Variants in COL23A1 observed in about 807,000 individuals in gnomAD.
COL23A1 encodes the protein collagen alpha-1(XXIII) chain.
COL23A1 carries 97 observed loss-of-function variants against 99.3 expected under a neutral mutation model. The ratio of observed to expected loss-of-function variants is 0.98; its 90% confidence interval spans 0.83 to 1.16. The LOEUF (loss-of-function observed/expected upper bound fraction) is 1.16, where lower values mean the gene tolerates loss of function less well. COL23A1 is among the 50% of genes most tolerant of loss of function. The pLI, the probability that COL23A1 is intolerant of heterozygous loss-of-function variation, is 0.00. For synonymous variants in COL23A1, 320 were observed against 308.2 expected (o/e 1.04, Z -0.40); for missense variants, 762 against 757.4 (o/e 1.01, Z -0.07).
intron 25 of COL23A1, among the ~76,000 whole-genome samples, chr5:178,245,608 A>G (rs1764649450): frequency 6.7e-6 from 1 of 150,258 alleles, no homozygotes; most frequent in Non-Finnish European, 1.5e-5. Flanking sequence ...TCACCCATCC[A>G]TCCACCCATC....
intron 2 of COL23A1, chr5:178,523,446 A>AGAAAAAG (rs1562052313): frequency 6.9e-6 from 1 of 144,836 alleles, no homozygotes; most frequent in African/African-American, 2.6e-5. Context: ...AAAAAAAAAA[A>AGAAAAAG]AAAGAAAAAG....
intron 2 of COL23A1, among the ~76,000 whole-genome samples, chr5:178,430,654 T>A (rs2127817549): frequency 6.6e-6 from 1 of 152,180 alleles, no homozygotes; most frequent in East Asian, 1.9e-4. Context: ...GAAAGGAAAC[T>A]AACAAAGTTG....
At chr5:178,568,782 T>G (rs562242103) in intron 1 of COL23A1, among the ~76,000 whole-genome samples, 1 of 152,374 alleles carries the variant, frequency 6.6e-6, no homozygotes, top group South Asian at 2.1e-4. Flanking sequence ...TTTTTATGAC[T>G]GAATAATATT....
intron 2 of COL23A1, among the ~76,000 whole-genome samples, chr5:178,479,938 C>T (rs1293936338): frequency 1.3e-5 from 2 of 152,254 alleles, no homozygotes; most frequent in East Asian, 3.9e-4. Context: ...CTGTGTGGCA[C>T]AGCCCACTGC....
chr5:178,246,443 C>T lies in COL23A1; in HGVS notation c.1307G>A (p.Gly436Glu), dbSNP rs777620017. The stretch of plus-strand genomic sequence containing the variant: ...CGACGCACCCTTCTCTCCCTTTGCT[C>T]CATCCAAGCCCTGGAGGCAAAGGAG... Reference protein sequence around the residue: ...QGIQGPKGLDGAKGEKGASGE... With the variant: ...QGIQGPKGLDEAKGEKGASGE... Residue 436 changes from glycine to glutamate, a missense_variant, in exon 23 of 29, where the codon GGA (glycine) becomes GAA (glutamate). Gly to Glu is a moderately conservative substitution (Grantham distance 98). Transcript: ENST00000390654. 2 of 1,569,970 alleles carry T rather than the reference C, an allele frequency of 1.3e-6. No individual in the cohort carries two copies. Among genetic ancestry groups the T allele is most frequent in the South Asian group, 2.3e-5 (2 of 85,328 alleles).
chr5:178,346,033 A>G (rs945979428), intron 2 of COL23A1, among the ~76,000 whole-genome samples: 5 of 152,102 alleles, frequency 3.3e-5, no homozygotes, highest in African/African-American at 9.7e-5. Flanking sequence ...CATTGCACAT[A>G]TACAAATAAA....
At chr5:178,560,998 G>A (rs866728580) in intron 1 of COL23A1, among the ~76,000 whole-genome samples, 61 of 152,342 alleles carry the variant, frequency 4.0e-4, no homozygotes, top group Middle Eastern at 3.4e-3. Flanking sequence ...CTTTGTTACA[G>A]CATTTTCAAA....
chr5:178,247,932 GCCCCC>G, intron 20 of COL23A1, 101 bp from the exon 21 acceptor site: 1 of 1,074,924 alleles, frequency 9.3e-7, no homozygotes, highest in Non-Finnish European at 1.4e-6. Flanking sequence ...TCTCCTTCCT[GCCCCC>G]CAGAGGGCAG....
chr5:178,436,503 C>A (rs1315528578), intron 2 of COL23A1, among the ~76,000 whole-genome samples: 1 of 152,178 alleles, frequency 6.6e-6, no homozygotes, highest in Non-Finnish European at 1.5e-5. Flanking sequence ...GCACAGAACA[C>A]CAACTACGGT....
intron 2 of COL23A1, among the ~76,000 whole-genome samples, chr5:178,524,865 GTCAT>G (rs1318220536): frequency 1.3e-5 from 2 of 152,226 alleles, no homozygotes; most frequent in African/African-American, 2.4e-5. Context: ...CAGCAATGCA[GTCAT>G]TCATTCATTC....
chr5:178,328,296 C>T (rs1256918155), intron 2 of COL23A1, among the ~76,000 whole-genome samples: 1 of 152,196 alleles, frequency 6.6e-6, no homozygotes, highest in Non-Finnish European at 1.5e-5. Flanking sequence ...CTGGGCCTCC[C>T]TTCCCCCAGG....
At chr5:178,322,890 C>T (rs1373841037) in intron 2 of COL23A1, among the ~76,000 whole-genome samples, 2 of 152,180 alleles carry the variant, frequency 1.3e-5, no homozygotes, top group Non-Finnish European at 2.9e-5. Flanking sequence ...GCGGATAGCT[C>T]GGTGGGCTGT....
chr5:178,428,315 G>A lies in COL23A1; in HGVS notation c.362-121396C>T, dbSNP rs971175430. 4.6e-5 allele frequency among the ~76,000 whole-genome samples: 7 copies of A among 152,326 alleles called. No individual in the cohort carries two copies. Among genetic ancestry groups the A allele is most frequent in the East Asian group, 1.9e-4 (1 of 5,186 alleles). ...CAAGAAGGTGCCCTGGGCAGTCCCC[G>A]AGGCTGGCCATCCCCTCTAGAACCT... On this transcript the variant is annotated intron_variant, in intron 2 of 28. Transcript: ENST00000390654. This position sits in a 1 kb window ranked among gnomAD's most constrained non-coding sequence, Gnocchi z 5.0.
intron 1 of COL23A1, among the ~76,000 whole-genome samples, chr5:178,575,837 C>T (rs1317105423): frequency 6.6e-6 from 1 of 152,204 alleles, no homozygotes; most frequent in Non-Finnish European, 1.5e-5. Flanking sequence ...GGTCCACCTT[C>T]ACTTGCTCCG....
intron 2 of COL23A1, among the ~76,000 whole-genome samples, chr5:178,332,076 A>T (rs1438941261): frequency 6.6e-6 from 1 of 152,098 alleles, no homozygotes; most frequent in Non-Finnish European, 1.5e-5. Flanking sequence ...TGGCGGTGTG[A>T]AGGTCCTGCT....
chr5:178,450,009 C>T lies in COL23A1; in HGVS notation c.361+110673G>A, dbSNP rs879860570. On this transcript the variant is annotated intron_variant, in intron 2 of 28. Coordinates refer to ENST00000390654, the MANE Select transcript of COL23A1 (RefSeq NM_173465.4). ...TCAGATACCAGATTCCAGGTGACAC[C>T]TTGTCACTGTAGGACCTGTTTACTA... 3.9e-5 allele frequency among the ~76,000 whole-genome samples: 6 copies of T among 152,156 alleles called. No individual in the cohort carries two copies. The East Asian group carries it at 1.2e-3, about 29-fold the overall frequency.
At chr5:178,471,180 A>G (rs2127932478) in intron 2 of COL23A1, among the ~76,000 whole-genome samples, 1 of 152,354 alleles carries the variant, frequency 6.6e-6, no homozygotes, top group East Asian at 1.9e-4. Context: ...GGGACAGTGC[A>G]GTTCCCAGAG....
At chr5:178,311,733 GTTTTGTTTTT>G (rs1179515906) in intron 2 of COL23A1, among the ~76,000 whole-genome samples, 27 of 15,362 alleles carry the variant, frequency 1.8e-3, no homozygotes, top group Middle Eastern at 0.071. Flanking sequence ...GTTTTGTTTT[GTTTTGTTTTT>G]TTTTTGAGAC....
chr5:178,485,963 C>T (rs1056233365), intron 2 of COL23A1, among the ~76,000 whole-genome samples: 2 of 152,120 alleles, frequency 1.3e-5, no homozygotes, highest in African/African-American at 4.8e-5. Context: ...AAAAGAATCG[C>T]AGCTGCAAAT....
Sources: gnomAD v4.1 joint callset for allele counts (sites outside exome capture counted in the v4.1 genomes callset) on GRCh38, gnomAD v4.1.1 for gene constraint, Gnocchi (gnomAD v3.1) non-coding constraint, MANE v1.5 for transcripts, NCBI Gene and HGNC (gene_info 2026-07-23, HGNC 2026-07-21) for gene names.